The following VAMP4 variants were observed in gnomAD, a reference collection of about 807,000 sequenced individuals.
VAMP4 encodes the protein vesicle-associated membrane protein 4.
In VAMP4, 19 loss-of-function variants were observed where a neutral mutation model predicts 23.5. That is an observed-to-expected ratio of 0.81 (90% CI 0.56 to 1.19). The LOEUF (loss-of-function observed/expected upper bound fraction) is 1.19. Ranked by LOEUF, VAMP4 falls within the 50% of genes most tolerant of loss-of-function variation. The pLI is 0.00. For synonymous variants in VAMP4, 31 were observed against 51.0 expected, an observed-to-expected ratio of 0.61 and a Z score of 1.67; for missense variants, 145 against 168.6, an observed-to-expected ratio of 0.86 and a Z score of 0.78.
At position 171,702,035 on chromosome 1, in the gene VAMP4, T is replaced by C. The variant is rs1343719833; in HGVS notation, c.*2471A>G. 2 of 152,140 alleles carry C rather than the reference T, an allele frequency of 1.3e-5. No homozygotes were observed. The highest frequency in any genetic ancestry group is 2.9e-5 in the Non-Finnish European group (2 of 67,964). 9.4% of individuals were successfully genotyped at this position (152,140 alleles called of 1,614,324 possible). A position where few individuals can be genotyped will look rare whatever the true frequency, so the allele number is the denominator to read the frequency against. ...ATCTTCACTTGTTGTTAAATAATGA[T>C]AGTTTTGATGGTGGTAAAACTTCAT... On this transcript the variant is annotated 3_prime_UTR_variant, in exon 8 of 8. Coordinates refer to ENST00000236192, the MANE Select transcript of VAMP4 (RefSeq NM_003762.5).
intron 2 of VAMP4, among the ~76,000 whole-genome samples, chr1:171,734,480 A>G (rs1481240435): frequency 6.6e-6 from 1 of 152,174 alleles, no homozygotes; most frequent in Non-Finnish European, 1.5e-5. Flanking sequence ...GCAAAAGGGC[A>G]CAGCATTTCT....
At chr1:171,736,361 G>A (rs1233558595) in intron 2 of VAMP4, among the ~76,000 whole-genome samples, 1 of 152,016 alleles carries the variant, frequency 6.6e-6, no homozygotes, top group African/African-American at 2.4e-5. Flanking sequence ...GCCTTCTCTC[G>A]GCCAGAGCCT....
intron 3 of VAMP4, among the ~76,000 whole-genome samples, chr1:171,723,005 GA>G (rs1286825797): frequency 6.6e-6 from 1 of 152,116 alleles, no homozygotes; most frequent in Non-Finnish European, 1.5e-5. Flanking sequence ...GTAATAAAGG[GA>G]AAGACTACAA....
At chr1:171,736,216 T>G (rs1187829664) in intron 2 of VAMP4, among the ~76,000 whole-genome samples, 1 of 152,138 alleles carries the variant, frequency 6.6e-6, no homozygotes, top group East Asian at 1.9e-4. Context: ...AAATCTTCAG[T>G]GTATGGAATT....
chr1:171,735,197 C>T (rs1345822531), intron 2 of VAMP4, among the ~76,000 whole-genome samples: 4 of 152,068 alleles, frequency 2.6e-5, no homozygotes, highest in East Asian at 1.9e-4. Flanking sequence ...AACAAATTTA[C>T]GTTCAGCAGT....
chr1:171,710,589 A>G lies in VAMP4; in HGVS notation c.265+125T>C, dbSNP rs1288370050. On this transcript the variant is annotated intron_variant, in intron 5 of 7. Transcript: ENST00000236192. ...AAAGGAGTTAAAATTAAACCATTAA[A>G]ATCATATACTTAAGAACCAAATGCC... The G allele has an allele frequency of 4.7e-6, 3 of 638,332 alleles. No homozygotes were observed. In the African/African-American group the frequency reaches 5.7e-5, roughly 12 times the overall value. The allele number at this position is 638,332 out of a possible 1,614,324, so 39.5% of individuals were successfully genotyped here.
Position 171,701,760 on chromosome 1 carries a change from T to G in VAMP4, c.*2746A>C, listed in dbSNP as rs187459798. 1.3e-5 allele frequency: 2 copies of G among 152,228 alleles called. No homozygotes were observed. Among genetic ancestry groups the G allele is most frequent in the African/African-American group, 4.8e-5 (2 of 41,566 alleles). The allele number at this position is 152,228 out of a possible 1,614,324, so 9.4% of individuals were successfully genotyped here. On this transcript the variant is annotated 3_prime_UTR_variant, in exon 8 of 8. Transcript: ENST00000236192. ...TTATCTAATTAAGAAATCCCCCAGT[T>G]TATAAAATCTGAGGGCAATTTCCAG...
intron 1 of VAMP4, among the ~76,000 whole-genome samples, chr1:171,739,295 A>C (rs1655846687): frequency 6.6e-6 from 1 of 152,326 alleles, no homozygotes; most frequent in East Asian, 1.9e-4. Context: ...AAGACTCCAT[A>C]AAACCCAAAA....
chr1:171,715,076 G>A (rs1001498082), intron 4 of VAMP4, among the ~76,000 whole-genome samples: 1 of 152,136 alleles, frequency 6.6e-6, no homozygotes, highest in Non-Finnish European at 1.5e-5. Flanking sequence ...GTCAGAGGAG[G>A]TAATATTTTA....
intron 4 of VAMP4, 135 bp downstream of exon 4, chr1:171,719,036 G>C: frequency 1.5e-6 from 1 of 646,092 alleles, no homozygotes; most frequent in South Asian, 2.4e-5. Flanking sequence ...GAAAACAAAT[G>C]GGCATGGCTA....
At chr1:171,738,605 C>G (rs1655819171) in intron 1 of VAMP4, 142 bp from the exon 2 acceptor site, 1 of 583,444 alleles carries the variant, frequency 1.7e-6, no homozygotes, top group Non-Finnish European at 3.0e-6. Flanking sequence ...TTGTTCCACT[C>G]CAGTGACTGG....
At chr1:171,737,123 T>C (rs1005047914) in intron 2 of VAMP4, among the ~76,000 whole-genome samples, 1 of 152,178 alleles carries the variant, frequency 6.6e-6, no homozygotes. Context: ...GTGGATAATA[T>C]GAAGTTCTGA....
At chr1:171,738,557 C>T in intron 1 of VAMP4, 94 bp from the exon 2 acceptor site, 4 of 759,902 alleles carry the variant, frequency 5.3e-6, no homozygotes, top group Non-Finnish European at 8.4e-6. Context: ...ATGACAGGGA[C>T]TCCCTCATTT....
chr1:171,738,315 C>A (rs1355212872), intron 2 of VAMP4, 34 bp downstream of exon 2: 7 of 1,605,472 alleles, frequency 4.4e-6, no homozygotes, highest in Non-Finnish European at 5.1e-6. Flanking sequence ...TATTTTGAAT[C>A]TTTTGTTTTT....
chr1:171,711,352 A>G (rs1047551261), intron 4 of VAMP4, among the ~76,000 whole-genome samples: 2 of 152,142 alleles, frequency 1.3e-5, no homozygotes. Context: ...ACTGATGCTC[A>G]ATGGGTAGAA....
intron 3 of VAMP4, among the ~76,000 whole-genome samples, chr1:171,722,573 A>G (rs1240940641): frequency 6.6e-6 from 1 of 152,140 alleles, no homozygotes; most frequent in East Asian, 1.9e-4. Flanking sequence ...AAATCAAACA[A>G]CCCCATCAAA....
intron 6 of VAMP4, among the ~76,000 whole-genome samples, chr1:171,709,404 T>C (rs945772851): frequency 6.6e-6 from 1 of 152,134 alleles, no homozygotes; most frequent in Admixed American, 6.6e-5. Context: ...AGTTTAGAGG[T>C]AGTCAAATAT....
chr1:171,734,727 A>AT (rs1217745934), intron 2 of VAMP4, among the ~76,000 whole-genome samples: 1 of 152,200 alleles, frequency 6.6e-6, no homozygotes, highest in Non-Finnish European at 1.5e-5. Flanking sequence ...ACTTCATAAT[A>AT]TAATAAACAT....
chr1:171,703,425 G>GTGTGTA lies in VAMP4; in HGVS notation c.*1080_*1081insTACACA, dbSNP rs1330620854. The GTGTGTA allele has an allele frequency of 6.2e-5, 5 of 80,672 alleles. No homozygotes were observed. Among genetic ancestry groups the GTGTGTA allele is most frequent in the African/African-American group, 1.9e-4 (4 of 20,922 alleles). 5.0% of individuals were successfully genotyped at this position (80,672 alleles called of 1,614,324 possible). A position where few individuals can be genotyped will look rare whatever the true frequency, so the allele number is the denominator to read the frequency against. ...TGTGTGTGTGTGTGTGTGTTTGTGT[G>GTGTGTA]TATATATATATATATATATATATAT... On this transcript the variant is annotated 3_prime_UTR_variant, in exon 8 of 8. Coordinates refer to ENST00000236192, the MANE Select transcript of VAMP4 (RefSeq NM_003762.5).
Sources: gnomAD v4.1 joint callset for allele counts (sites outside exome capture counted in the v4.1 genomes callset) on GRCh38, gnomAD v4.1.1 for gene constraint, MANE v1.5 for transcripts, NCBI Gene and HGNC (gene_info 2026-07-23, HGNC 2026-07-21) for gene names.